Variants in OCM observed in about 807,000 individuals in gnomAD.
OCM encodes the protein oncomodulin, also known as oncomodulin-1.
A neutral mutation model predicts 14.1 loss-of-function variants in OCM; 18 were observed. That is an observed-to-expected ratio of 1.28 (90% CI 0.88 to 1.89). The LOEUF is 1.89. Ranked by LOEUF, OCM falls within the 40% of genes most tolerant of loss-of-function variation. The pLI, the probability that OCM is intolerant of heterozygous loss-of-function variation, is 0.00. For synonymous variants in OCM, 48 were observed against 51.0 expected (o/e 0.94, Z 0.25); for missense variants, 140 against 137.6 (o/e 1.02, Z -0.09).
upstream of OCM, among the ~76,000 whole-genome samples, chr7:5,875,058 A>G (rs1050406561): frequency 1.5e-5 from 2 of 134,618 alleles, no homozygotes; most frequent in African/African-American, 5.6e-5. Context: ...ATATATATGT[A>G]TTTTTTTTTT....
upstream of OCM, among the ~76,000 whole-genome samples, chr7:5,877,397 G>A (rs1224005086): frequency 6.7e-6 from 1 of 148,640 alleles, no homozygotes; most frequent in Non-Finnish European, 1.5e-5. Context: ...GAGCCCAGGA[G>A]GTCAAGGCTG....
chr7:5,866,741 T>G, the OCM span, among the ~76,000 whole-genome samples: 1 of 152,110 alleles, frequency 6.6e-6, no homozygotes, highest in African/African-American at 2.4e-5. Context: ...TTGTGTCAAT[T>G]TAGCAAAACT....
At chr7:5,867,362 C>T in the OCM span, among the ~76,000 whole-genome samples, 2 of 152,112 alleles carry the variant, frequency 1.3e-5, no homozygotes, top group Non-Finnish European at 1.5e-5. Flanking sequence ...TTCCTCTGAA[C>T]ATATTGTGTC....
upstream of OCM, among the ~76,000 whole-genome samples, chr7:5,876,204 A>G (rs1442811171): frequency 3.3e-5 from 5 of 152,098 alleles, no homozygotes; most frequent in African/African-American, 9.7e-5. Flanking sequence ...GAGTTTCACC[A>G]TGTTGGCCAG....
chr7:5,873,334 G>A, the OCM span, among the ~76,000 whole-genome samples: 4 of 151,972 alleles, frequency 2.6e-5, no homozygotes, highest in East Asian at 5.8e-4. Context: ...CCTAGATCTT[G>A]CCATTGCACT....
At chr7:5,863,460 G>A in the OCM span, among the ~76,000 whole-genome samples, 1 of 152,038 alleles carries the variant, frequency 6.6e-6, no homozygotes, top group South Asian at 2.1e-4. Context: ...TGACGTGCTT[G>A]AGAGGGTGGC....
At chr7:5,874,334 C>T in the OCM span, among the ~76,000 whole-genome samples, 3 of 149,156 alleles carry the variant, frequency 2.0e-5, no homozygotes, top group East Asian at 6.0e-4. Flanking sequence ...ACTACTGAAT[C>T]ACTGTTTAAA....
the OCM span, among the ~76,000 whole-genome samples, chr7:5,868,774 G>A: frequency 2.0e-5 from 3 of 152,072 alleles, no homozygotes; most frequent in Non-Finnish European, 4.4e-5. Flanking sequence ...TCATGCTACT[G>A]AGTCCAGGCC....
At chr7:5,878,615 C>T (rs529852394), upstream of OCM, among the ~76,000 whole-genome samples, 129 of 151,328 alleles carry the variant, frequency 8.5e-4, no homozygotes, top group African/African-American at 3.1e-3. Context: ...GGTGTTGTGG[C>T]GGGCGCCTGC....
chr7:5,866,558 T>G, the OCM span, among the ~76,000 whole-genome samples: 1 of 152,000 alleles, frequency 6.6e-6, no homozygotes, highest in Non-Finnish European at 1.5e-5. Flanking sequence ...TGGGAGGGAT[T>G]GGAGTGAAAA....
At chr7:5,876,248 C>T (rs1372399086), upstream of OCM, among the ~76,000 whole-genome samples, 2 of 152,196 alleles carry the variant, frequency 1.3e-5, no homozygotes, top group South Asian at 2.1e-4. Flanking sequence ...AGGTAATCCA[C>T]GTGCCTCGGC....
upstream of OCM, among the ~76,000 whole-genome samples, chr7:5,878,289 G>A (rs907649207): frequency 5.3e-5 from 8 of 151,724 alleles, no homozygotes; most frequent in Admixed American, 2.6e-4. Flanking sequence ...GAAGCAGAAA[G>A]TACAATGATG....
chr7:5,865,767 A>G, the OCM span, among the ~76,000 whole-genome samples: 1 of 152,318 alleles, frequency 6.6e-6, no homozygotes, highest in African/African-American at 2.4e-5. Context: ...CTTGGGCAAC[A>G]CATACCCTGT....
At chr7:5,874,453 C>A in the OCM span, among the ~76,000 whole-genome samples, 1 of 151,972 alleles carries the variant, frequency 6.6e-6, no homozygotes, top group African/African-American at 2.4e-5. Context: ...AGATGCATAG[C>A]ATGATATGCA....
intron 3 of OCM, among the ~76,000 whole-genome samples, chr7:5,884,219 A>G (rs1781287358): frequency 6.6e-6 from 1 of 152,164 alleles, no homozygotes; most frequent in African/African-American, 2.4e-5. Flanking sequence ...AGCTGGTCAC[A>G]CTGGTCATTG....
At chr7:5,867,665 C>G in the OCM span, among the ~76,000 whole-genome samples, 1 of 151,672 alleles carries the variant, frequency 6.6e-6, no homozygotes, top group Non-Finnish European at 1.5e-5. Flanking sequence ...TCACTGATGT[C>G]TGGTTTTATT....
chr7:5,884,092 A>G, intron 3 of OCM, 93 bp downstream of exon 3: 1 of 1,414,916 alleles, frequency 7.1e-7, no homozygotes. Context: ...GTGGCTTAAA[A>G]TCTCCCTTTC....
At chr7:5,877,976 C>CT (rs35122064), upstream of OCM, among the ~76,000 whole-genome samples, 87,071 of 144,982 alleles carry the variant, frequency 0.6, 27,193 homozygotes, top group African/African-American at 0.76. Flanking sequence ...CAGTCAAACT[C>CT]TTTTTTTTTT....
chr7:5,876,882 C>T (rs1204005374), upstream of OCM, among the ~76,000 whole-genome samples: 6 of 151,766 alleles, frequency 4.0e-5, no homozygotes, highest in African/African-American at 7.3e-5. Flanking sequence ...CTCGGCTCAC[C>T]GCAACCTCCA....
Sources: gnomAD v4.1 joint callset for allele counts (sites outside exome capture counted in the v4.1 genomes callset) on GRCh38, gnomAD v4.1.1 for gene constraint, MANE v1.5 for transcripts, NCBI Gene and HGNC (gene_info 2026-07-23, HGNC 2026-07-21) for gene names.